The following PTPN4 variants were observed in gnomAD, a reference collection of about 807,000 sequenced individuals.
PTPN4 encodes the protein tyrosine-protein phosphatase non-receptor type 4.
PTPN4 carries 49 observed loss-of-function variants against 135.5 expected under a neutral mutation model. That is an observed-to-expected ratio of 0.36 (90% confidence interval 0.29 to 0.46). The LOEUF (loss-of-function observed/expected upper bound fraction) is 0.46, where lower values mean the gene tolerates loss of function less well. Ranked by LOEUF, PTPN4 falls within the 20% of genes least tolerant of loss-of-function variation. PTPN4 has a pLI of 1.00. For missense variants in PTPN4, 860 were observed against 1,101.0 expected (o/e 0.78, Z 3.10); for synonymous variants, 333 against 369.9 (o/e 0.90, Z 1.14).
intron 26 of PTPN4, among the ~76,000 whole-genome samples, chr2:119,976,263 C>T (rs1273262016): frequency 6.6e-6 from 1 of 152,126 alleles, no homozygotes; most frequent in African/African-American, 2.4e-5. Context: ...TCCCAAAGTG[C>T]TGGGATTACA....
chr2:119,867,192 A>G (rs1677845333), intron 3 of PTPN4, among the ~76,000 whole-genome samples: 1 of 152,174 alleles, frequency 6.6e-6, no homozygotes, highest in African/African-American at 2.4e-5. Context: ...TAAAAATCAA[A>G]CTTACCTATG....
intron 15 of PTPN4, among the ~76,000 whole-genome samples, chr2:119,937,489 A>C (rs537334988): frequency 6.2e-4 from 94 of 152,354 alleles, no homozygotes; most frequent in Non-Finnish European, 1.1e-3. Flanking sequence ...ACAACACAGC[A>C]TGTGAATTGG....
intron 3 of PTPN4, among the ~76,000 whole-genome samples, chr2:119,865,824 A>T (rs1677826592): frequency 6.6e-6 from 1 of 152,104 alleles, no homozygotes. Context: ...TGCCTTAGAC[A>T]TTGAAATTAA....
intron 3 of PTPN4, among the ~76,000 whole-genome samples, chr2:119,870,559 G>T (rs751523632): frequency 1.3e-5 from 2 of 151,964 alleles, no homozygotes; most frequent in Non-Finnish European, 2.9e-5. Flanking sequence ...TAATCAACTC[G>T]TCCTAACAGG....
chr2:119,908,285 G>A (rs916817612), intron 10 of PTPN4, among the ~76,000 whole-genome samples: 5 of 152,020 alleles, frequency 3.3e-5, no homozygotes, highest in African/African-American at 1.2e-4. Context: ...ACATTTCTCA[G>A]AAAAAAGACA....
At chr2:119,782,517 T>TAA (rs1690960282) in intron 1 of PTPN4, among the ~76,000 whole-genome samples, 1 of 152,086 alleles carries the variant, frequency 6.6e-6, no homozygotes, top group Non-Finnish European at 1.5e-5. Context: ...CAGTACAGAT[T>TAA]ATAGATCACA....
At chr2:119,913,283 T>C (rs1277437432) in intron 10 of PTPN4, among the ~76,000 whole-genome samples, 1 of 152,184 alleles carries the variant, frequency 6.6e-6, no homozygotes, top group Non-Finnish European at 1.5e-5. Flanking sequence ...TGCATCATTT[T>C]ACGTTCCCAC....
intron 1 of PTPN4, among the ~76,000 whole-genome samples, chr2:119,808,046 C>G (rs1352581372): frequency 1.3e-5 from 2 of 152,168 alleles, no homozygotes; most frequent in Non-Finnish European, 2.9e-5. Flanking sequence ...TAAAAACTTT[C>G]AATAAACTAG....
chr2:119,853,606 T>G (rs1422881259), intron 2 of PTPN4, among the ~76,000 whole-genome samples: 1 of 152,192 alleles, frequency 6.6e-6, no homozygotes, highest in Non-Finnish European at 1.5e-5. Flanking sequence ...TATAATAGTA[T>G]TGTGTTTTCC....
intron 26 of PTPN4, among the ~76,000 whole-genome samples, chr2:119,969,761 T>C (rs1050027006): frequency 9.9e-5 from 15 of 151,972 alleles, no homozygotes; most frequent in Non-Finnish European, 1.9e-4. Context: ...GGTTTCACCA[T>C]GTTAGCCAGG....
At chr2:119,967,329 A>G (rs1679458872) in intron 25 of PTPN4, among the ~76,000 whole-genome samples, 1 of 152,030 alleles carries the variant, frequency 6.6e-6, no homozygotes, top group Non-Finnish European at 1.5e-5. Flanking sequence ...CACGTCTGTA[A>G]TCCCAGCTAC....
intron 2 of PTPN4, among the ~76,000 whole-genome samples, chr2:119,838,745 A>G (rs185173304): frequency 6.6e-6 from 1 of 152,358 alleles, no homozygotes; most frequent in Non-Finnish European, 1.5e-5. Flanking sequence ...TTGTGAAATA[A>G]GAAAGACTGA....
At position 119,809,816 on chromosome 2, in the gene PTPN4, ATT is replaced by A. The variant is rs373238618; in HGVS notation, c.-17-9_-17-8del. On this transcript the variant is annotated intron_variant, in intron 1 of 26. Coordinates refer to ENST00000263708, the MANE Select transcript of PTPN4 (RefSeq NM_002830.4). ...ATTTTACGAACCTTTTATTTAGTGA[ATT>A]TTTTTTTTTTTAACTTAGACTTTGT... 3.3e-4 allele frequency: 380 copies of A among 1,158,652 alleles called. No individual in the cohort carries two copies. Among genetic ancestry groups the A allele is most frequent in the South Asian group, 9.1e-4 (57 of 62,782 alleles). 71.8% of individuals were successfully genotyped at this position (1,158,652 alleles called of 1,614,324 possible).
chr2:119,820,883 ATG>A (rs35898780), intron 2 of PTPN4, among the ~76,000 whole-genome samples: 179 of 142,042 alleles, frequency 1.3e-3, no homozygotes, highest in African/African-American at 4.4e-3. Flanking sequence ...ACATACACAC[ATG>A]TGTGTGTATG....
intron 2 of PTPN4, among the ~76,000 whole-genome samples, chr2:119,813,672 G>C (rs1212807157): frequency 6.6e-6 from 1 of 152,174 alleles, no homozygotes; most frequent in East Asian, 1.9e-4. Context: ...TGTCAAGGTT[G>C]TCACAGAGTT....
intron 1 of PTPN4, among the ~76,000 whole-genome samples, chr2:119,790,831 CTG>C (rs1281755067): frequency 1.3e-5 from 2 of 152,004 alleles, no homozygotes; most frequent in Non-Finnish European, 2.9e-5. Flanking sequence ...GTTTATTTCA[CTG>C]TATCTTTTCA....
chr2:119,965,676 T>C, intron 25 of PTPN4, 31 bp downstream of exon 25: 2 of 1,590,522 alleles, frequency 1.3e-6, no homozygotes, highest in Non-Finnish European at 1.7e-6. Context: ...TATGAGTGTA[T>C]AGCTGAACAG....
At chr2:119,916,968 A>T (rs1331265663) in intron 11 of PTPN4, among the ~76,000 whole-genome samples, 3 of 152,190 alleles carry the variant, frequency 2.0e-5, no homozygotes, top group African/African-American at 7.2e-5. Context: ...TGCTAATGGA[A>T]ATTATTTTAC....
intron 10 of PTPN4, among the ~76,000 whole-genome samples, chr2:119,901,203 T>C (rs144635847): frequency 1.4e-4 from 21 of 152,138 alleles, no homozygotes; most frequent in African/African-American, 7.2e-5. Flanking sequence ...TAAGGAGGGG[T>C]TGACCTGAGA....
Sources: gnomAD v4.1 joint callset for allele counts (sites outside exome capture counted in the v4.1 genomes callset) on GRCh38, gnomAD v4.1.1 for gene constraint, MANE v1.5 for transcripts, NCBI Gene and HGNC (gene_info 2026-07-23, HGNC 2026-07-21) for gene names.